Variants in FEM1B observed in about 807,000 individuals in gnomAD.
FEM1B encodes the protein fem-1 homolog B, also known as protein fem-1 homolog B.
In FEM1B, 10 loss-of-function variants were observed where a neutral mutation model predicts 38.6. The ratio of observed to expected loss-of-function variants is 0.26; its 90% CI spans 0.16 to 0.44. The LOEUF (loss-of-function observed/expected upper bound fraction) is 0.44, where lower values mean the gene tolerates loss of function less well. FEM1B is among the 20% of genes least tolerant of loss of function. The pLI is 1.00. For synonymous variants in FEM1B, 288 were observed against 288.0 expected, an observed-to-expected ratio of 1.00 and a Z score of 0.00; for missense variants, 471 against 786.7, an observed-to-expected ratio of 0.60 and a Z score of 4.80.
At chr15:68,282,724 T>C (rs538744576) in intron 1 of FEM1B, among the ~76,000 whole-genome samples, 1 of 152,328 alleles carries the variant, frequency 6.6e-6, no homozygotes, top group South Asian at 2.1e-4. Context: ...TTTAGGAACT[T>C]AGTAAATACT....
chr15:68,283,474 G>C (rs904938289), intron 1 of FEM1B, among the ~76,000 whole-genome samples: 2 of 142,594 alleles, frequency 1.4e-5, no homozygotes, highest in African/African-American at 5.4e-5. Flanking sequence ...GACCATCCTG[G>C]GCAACATAGT....
rs375949403 is a variant in FEM1B at position 68,290,423 on chromosome 15, G to A, written c.1065G>A (p.Ala355=). The A allele has an allele frequency of 2.5e-5, 41 of 1,613,920 alleles. No individual in the cohort carries two copies. Among genetic ancestry groups the A allele is most frequent in the Middle Eastern group, 1.6e-4 (1 of 6,084 alleles). ...TCATTTACAGAGGAGCTGTTTATGC[G>A]GATAATATGGAATTTGAGCAGTGTA... is the stretch of plus-strand genomic sequence containing the variant. ...HPIIYRGAVY[A]DNMEFEQCIK... is the part of the protein sequence containing the mutation. Residue 355 remains alanine (A), a synonymous_variant, in exon 2 of 2, where the codon GCG becomes GCA. Coordinates refer to ENST00000306917, the MANE Select transcript of FEM1B (RefSeq NM_015322.5). The surrounding 1 kb of genome is among the most constrained non-coding windows in gnomAD (Gnocchi z 9.7).
rs780752736 is a variant in FEM1B, at chr15:68,289,967, G to T, written c.609G>T (p.Val203=). 21 of 1,614,070 alleles carry T rather than the reference G, an allele frequency of 1.3e-5. No individual in the cohort carries two copies. The highest frequency in any genetic ancestry group is 1.7e-5 in the Non-Finnish European group (20 of 1,180,038). Reference sequence around the variant, plus strand: ...CTGAAGCTGGGCACATAGATATTGTGAAAGAGCTGATAAAATGGCGTGCTG... The same window carrying T: ...CTGAAGCTGGGCACATAGATATTGTTAAAGAGCTGATAAAATGGCGTGCTG... ...FAAEAGHIDI[V]KELIKWRAAI... Residue 203 remains valine (V), a synonymous_variant, in exon 2 of 2, where the codon GTG becomes GTT. Coordinates refer to ENST00000306917, the MANE Select transcript of FEM1B (RefSeq NM_015322.5). This position sits in a 1 kb window ranked among gnomAD's most constrained non-coding sequence, Gnocchi z 6.9.
At chr15:68,287,347 C>T (rs1244478294) in intron 1 of FEM1B, among the ~76,000 whole-genome samples, 1 of 152,084 alleles carries the variant, frequency 6.6e-6, no homozygotes, top group Non-Finnish European at 1.5e-5. Flanking sequence ...TGAGTTTTTT[C>T]CCTAAATATC....
chr15:68,279,701 A>T (rs1892705940), intron 1 of FEM1B, among the ~76,000 whole-genome samples: 1 of 152,186 alleles, frequency 6.6e-6, no homozygotes, highest in Non-Finnish European at 1.5e-5. Context: ...CTTTAAGATG[A>T]CTAGGGAAAT....
chr15:68,281,593 AT>A lies in FEM1B; in HGVS notation c.248+2930del, dbSNP rs1892727656. On this transcript the variant is annotated intron_variant, in intron 1 of 1. Coordinates refer to ENST00000306917, the MANE Select transcript of FEM1B (RefSeq NM_015322.5). This position sits in a 1 kb window ranked among gnomAD's most constrained non-coding sequence, Gnocchi z 5.1. ...GAGGGGAAAGGGACCACCCACCTAG[AT>A]TAAGCCATTGATATTTGAGTTCTTG... Among the ~76,000 whole-genome samples the A allele has an allele frequency of 1.3e-5, 2 of 152,252 alleles. No homozygotes were observed. Among genetic ancestry groups the A allele is most frequent in the East Asian group, 3.9e-4 (2 of 5,186 alleles).
In FEM1B at chr15:68,290,791, A is replaced by G. The variant is rs1276680868; in HGVS notation, c.1433A>G (p.Asp478Gly). 6.2e-7 allele frequency: 1 copy of G among 1,614,020 alleles called. No individual in the cohort carries two copies. The highest frequency in any genetic ancestry group is 1.3e-5 in the African/African-American group (1 of 74,932). ...CAGATCTACAACCTGATTCACCTTG[A>G]TCCCAGAACTCGTGAAGGTTTCACC... ...NKQIYNLIHLDPRTREGFTLL... is the reference protein window; with the variant it reads ...NKQIYNLIHLGPRTREGFTLL... The change falls in exon 2 of 2, where the codon GAT becomes GGT. Residue 478 changes from aspartate to glycine, a missense_variant. By Grantham distance (94) the Asp-to-Gly change is moderately conservative. Around this residue, in one of 3 missense-constraint regions of FEM1B, gnomAD observed 380 missense variants for 599.6 expected, o/e 0.63. Coordinates refer to ENST00000306917, the MANE Select transcript of FEM1B (RefSeq NM_015322.5). This position sits in a 1 kb window ranked among gnomAD's most constrained non-coding sequence, Gnocchi z 9.7.
At chr15:68,283,013 T>G (rs1370487158) in intron 1 of FEM1B, among the ~76,000 whole-genome samples, 1 of 152,142 alleles carries the variant, frequency 6.6e-6, no homozygotes, top group Non-Finnish European at 1.5e-5. Flanking sequence ...TCAATAGAAA[T>G]AGGTAATTGG....
intron 1 of FEM1B, among the ~76,000 whole-genome samples, chr15:68,287,199 T>G (rs1892798458): frequency 6.6e-6 from 1 of 151,986 alleles, no homozygotes; most frequent in South Asian, 2.1e-4. Flanking sequence ...CCTGATTCAT[T>G]CTTTAGTTAA....
intron 1 of FEM1B, among the ~76,000 whole-genome samples, chr15:68,279,520 G>A (rs1035752805): frequency 2.0e-5 from 3 of 152,138 alleles, no homozygotes; most frequent in Non-Finnish European, 4.4e-5. Context: ...GATTACAACT[G>A]TATAACGATT....
rs767246262 is a variant in FEM1B, at chr15:68,284,689, G to C, written c.249-4918G>C. ...CCTTCTCAGTTTCCTCCCTTTCCTT[G>C]CCAGAGGTAATGATTATTTTGACTT... On this transcript the variant is annotated intron_variant, in intron 1 of 1. Transcript: ENST00000306917. The surrounding 1 kb of genome is among the most constrained non-coding windows in gnomAD (Gnocchi z 4.4). Among the ~76,000 whole-genome samples, 10 of 151,992 alleles carry C rather than the reference G, an allele frequency of 6.6e-5. No homozygotes were observed. The highest frequency in any genetic ancestry group is 1.0e-4 in the Non-Finnish European group (7 of 68,008).
At position 68,292,348 on chromosome 15, in the gene FEM1B, C is replaced by T. The variant is rs1183983806; in HGVS notation, c.*1106C>T. 2 of 152,112 alleles carry T rather than the reference C, an allele frequency of 1.3e-5. No homozygotes were observed. The highest frequency in any genetic ancestry group is 2.9e-5 in the Non-Finnish European group (2 of 67,990). The allele number at this position is 152,112 out of a possible 1,614,324, so 9.4% of individuals were successfully genotyped here. On this transcript the variant is annotated 3_prime_UTR_variant, in exon 2 of 2. Transcript: ENST00000306917. ...CTTGAAAGGTAATTGTGTCTGAGAG[C>T]TGCAAATTTTTCAACCACAAAATGT...
rs946974756 is a variant in FEM1B at position 68,278,287 on chromosome 15, G to C, written c.-131G>C. The C allele has an allele frequency of 8.2e-7, 1 of 1,215,166 alleles. No individual in the cohort carries two copies. Among genetic ancestry groups the C allele is most frequent in the African/African-American group, 1.5e-5 (1 of 65,308 alleles). The allele number at this position is 1,215,166 out of a possible 1,614,324, so 75.3% of individuals were successfully genotyped here. Reference sequence around the variant, plus strand: ...CTGGGCCGCACTGCTGCCTGGGCGCGGCGGCGGCGACGGCGCCCTGTTGAA... The same window carrying C: ...CTGGGCCGCACTGCTGCCTGGGCGCCGCGGCGGCGACGGCGCCCTGTTGAA... On this transcript the variant is annotated 5_prime_UTR_variant, in exon 1 of 2. Coordinates refer to ENST00000306917, the MANE Select transcript of FEM1B (RefSeq NM_015322.5). This position sits in a 1 kb window ranked among gnomAD's most constrained non-coding sequence, Gnocchi z 5.7.
Position 68,294,751 on chromosome 15 carries a change from C to T in FEM1B, c.*3509C>T, listed in dbSNP as rs758007621. The T allele has an allele frequency of 6.6e-6, 1 of 152,082 alleles. No homozygotes were observed. Among genetic ancestry groups the T allele is most frequent in the African/African-American group, 2.4e-5 (1 of 41,398 alleles). The allele number at this position is 152,082 out of a possible 1,614,324, so 9.4% of individuals were successfully genotyped here. ...ATTTTCTGTAAGAATCTTAAATGTT[C>T]CTTTTCAAATTAGATGTGTTGATGC... is the stretch of plus-strand genomic sequence containing the variant. On this transcript the variant is annotated 3_prime_UTR_variant, in exon 2 of 2. Transcript: ENST00000306917. This position sits in a 1 kb window ranked among gnomAD's most constrained non-coding sequence, Gnocchi z 4.4.
At position 68,288,075 on chromosome 15, in the gene FEM1B, C is replaced by T. The variant is rs1892808883; in HGVS notation, c.249-1532C>T. ...GAACTCCTGACCTCAAGTGATCTGC[C>T]CACTTCAGCCTCCCAAAGTACTGAG... is the stretch of plus-strand genomic sequence containing the variant. On this transcript the variant is annotated intron_variant, in intron 1 of 1. Coordinates refer to ENST00000306917, the MANE Select transcript of FEM1B (RefSeq NM_015322.5). This position sits in a 1 kb window ranked among gnomAD's most constrained non-coding sequence, Gnocchi z 4.6. Among the ~76,000 whole-genome samples, 1 of 152,058 alleles carries T rather than the reference C, an allele frequency of 6.6e-6. No individual in the cohort carries two copies. Among genetic ancestry groups the T allele is most frequent in the African/African-American group, 2.4e-5 (1 of 41,402 alleles).
In FEM1B at chr15:68,291,348, C is replaced by T. The variant is rs1040072840; in HGVS notation, c.*106C>T. The T allele has an allele frequency of 1.3e-6, 1 of 790,848 alleles. No individual in the cohort carries two copies. Among genetic ancestry groups the T allele is most frequent in the Non-Finnish European group, 2.0e-6 (1 of 504,560 alleles). The allele number at this position is 790,848 out of a possible 1,614,324, so 49.0% of individuals were successfully genotyped here. A position where few individuals can be genotyped will look rare whatever the true frequency, so the allele number is the denominator to read the frequency against. On this transcript the variant is annotated 3_prime_UTR_variant, in exon 2 of 2. Transcript: ENST00000306917. This position sits in a 1 kb window ranked among gnomAD's most constrained non-coding sequence, Gnocchi z 6.9. ...ATAAATTCTGCTTTTCTTTCCACTA[C>T]CCTTCCTCCCATCCCATCCTTCCTT...
rs11630865 is a variant in FEM1B, at chr15:68,278,826, G to A, written c.248+161G>A. ...CACTAATGCCCACTTCATCTTCCAGGGCTAATAATCCATCCCATGTTTTGC... is the reference window on the plus strand; with the variant it reads ...CACTAATGCCCACTTCATCTTCCAGAGCTAATAATCCATCCCATGTTTTGC... On this transcript the variant is annotated intron_variant, in intron 1 of 1. Transcript: ENST00000306917. The surrounding 1 kb of genome is among the most constrained non-coding windows in gnomAD (Gnocchi z 5.7). Among the ~76,000 whole-genome samples, 42,676 of 151,730 alleles carry A rather than the reference G, an allele frequency of 0.28. 6,469 individuals are homozygous for A. The highest frequency in any genetic ancestry group is 0.34 in the Non-Finnish European group (22,789 of 67,912).
In FEM1B at chr15:68,278,739, C is replaced by T. The variant is rs959404553; in HGVS notation, c.248+74C>T. 3.9e-6 allele frequency: 6 copies of T among 1,527,364 alleles called. No homozygotes were observed. The highest frequency in any genetic ancestry group is 5.4e-6 in the Non-Finnish European group (6 of 1,111,426). 94.6% of individuals were successfully genotyped at this position (1,527,364 alleles called of 1,614,324 possible). On this transcript the variant is annotated intron_variant, in intron 1 of 1. Transcript: ENST00000306917. This position sits in a 1 kb window ranked among gnomAD's most constrained non-coding sequence, Gnocchi z 5.7. Reference sequence around the variant, plus strand: ...ATTCACGGGCCCTCCCCTCCCTCACCCTCTCTTACCCTCTCTTCATGTAGG... The same window carrying T: ...ATTCACGGGCCCTCCCCTCCCTCACTCTCTCTTACCCTCTCTTCATGTAGG...
Position 68,281,874 on chromosome 15 carries a change from T to G in FEM1B, c.248+3209T>G, listed in dbSNP as rs1419679118. On this transcript the variant is annotated intron_variant, in intron 1 of 1. Coordinates refer to ENST00000306917, the MANE Select transcript of FEM1B (RefSeq NM_015322.5). This position sits in a 1 kb window ranked among gnomAD's most constrained non-coding sequence, Gnocchi z 5.1. ...CGTGATCCGCATGCCTCGGCCTCCC[T>G]AAGTGCTGGGATTACAGGCTTGAGC... Among the ~76,000 whole-genome samples, 1 of 152,160 alleles carries G rather than the reference T, an allele frequency of 6.6e-6. No homozygotes were observed. The highest frequency in any genetic ancestry group is 1.5e-5 in the Non-Finnish European group (1 of 68,020).
Sources: gnomAD v4.1 joint callset for allele counts (sites outside exome capture counted in the v4.1 genomes callset) on GRCh38, gnomAD v4.1.1 for gene constraint, gnomAD v4.1.1 regional missense constraint, Gnocchi (gnomAD v3.1) non-coding constraint, MANE v1.5 for transcripts, NCBI Gene and HGNC (gene_info 2026-07-23, HGNC 2026-07-21) for gene names.